The following DST variants were observed in gnomAD, a reference collection of about 807,000 sequenced individuals.
DST encodes the protein bullous pemphigoid antigen.
In DST, 253 loss-of-function variants were observed where a neutral mutation model predicts 875.2. That is an observed-to-expected ratio of 0.29 (90% CI 0.26 to 0.32). The LOEUF is 0.32. Among genes scored for constraint, DST ranks in the 10% least tolerant of loss-of-function variants. The pLI, the probability that DST is intolerant of heterozygous loss-of-function variation, is 1.00. For synonymous variants in DST, 3,124 were observed against 3,197.1 expected (o/e 0.98, Z 0.77); for missense variants, 8,287 against 9,111.6 (o/e 0.91, Z 3.68).
chr6:56,667,222 T>C (rs2099076432), intron 10 of DST, among the ~76,000 whole-genome samples: 1 of 152,212 alleles, frequency 6.6e-6, no homozygotes, highest in Non-Finnish European at 1.5e-5. Flanking sequence ...GACATTACTC[T>C]CTAAATGTGA....
chr6:56,913,364 G>A (rs1425837506), intron 2 of DST, among the ~76,000 whole-genome samples: 10 of 152,166 alleles, frequency 6.6e-5, no homozygotes, highest in Non-Finnish European at 1.5e-4. Context: ...GTAAGTATCT[G>A]CTCGAGGACT....
Position 56,631,391 on chromosome 6 carries a change from T to G in DST, c.3964-2A>C, listed in dbSNP as rs1554528369. 6.2e-7 allele frequency: 1 copy of G among 1,613,374 alleles called. No individual in the cohort carries two copies. Among genetic ancestry groups the G allele is most frequent in the Non-Finnish European group, 8.5e-7 (1 of 1,179,588 alleles). On this transcript the variant is annotated splice_acceptor_variant, in intron 29 of 103. Coordinates refer to ENST00000680361, the MANE Select transcript of DST (RefSeq NM_001374736.1). LOFTEE classifies it high-confidence loss of function. The stretch of plus-strand genomic sequence containing the variant: ...TCGTTCCAGCTCTTTCTTTAGTTTC[T>G]ATAAAACAGAGAACAAACAAAGGTA...
At chr6:56,592,402 A>G in intron 48 of DST, 44 bp from the exon 49 acceptor site, 1 of 1,421,976 alleles carries the variant, frequency 7.0e-7, no homozygotes, top group Non-Finnish European at 9.7e-7. Flanking sequence ...AAAACCCACT[A>G]TTTTCATATG....
intron 4 of DST, among the ~76,000 whole-genome samples, chr6:56,799,845 A>C (rs897577681): frequency 3.9e-5 from 6 of 151,908 alleles, no homozygotes; most frequent in African/African-American, 1.5e-4. Flanking sequence ...GCTGGTCTCG[A>C]ACTTCTGACT....
At position 56,525,204 on chromosome 6, in the gene DST, C is replaced by T. The variant is rs9464392; in HGVS notation, c.18129+1157G>A. On this transcript the variant is annotated intron_variant, in intron 69 of 103. Coordinates refer to ENST00000680361, the MANE Select transcript of DST (RefSeq NM_001374736.1). ...TTGCTGTTTAGAGAAGCCTTCAGTG[C>T]CAGTTGGGAAACGTTCAAATACATT... is the stretch of plus-strand genomic sequence containing the variant. Among the ~76,000 whole-genome samples the T allele has an allele frequency of 3.6e-3, 554 of 152,150 alleles. 5 individuals carry two copies. The highest frequency in any genetic ancestry group is 0.013 in the African/African-American group (534 of 41,498).
intron 3 of DST, among the ~76,000 whole-genome samples, chr6:56,857,050 T>G (rs866440172): frequency 6.6e-6 from 1 of 151,918 alleles, no homozygotes; most frequent in Non-Finnish European, 1.5e-5. Context: ...CTTGCTCCAT[T>G]GCCCAGGCTG....
At chr6:56,775,182 T>A (rs930105395) in intron 4 of DST, among the ~76,000 whole-genome samples, 2 of 152,092 alleles carry the variant, frequency 1.3e-5, no homozygotes, top group Non-Finnish European at 2.9e-5. Context: ...TTACAGTTGA[T>A]CTGGGAGAGG....
intron 48 of DST, 122 bp from the exon 49 acceptor site, chr6:56,592,480 A>AT (rs1471524632): frequency 2.4e-6 from 2 of 831,516 alleles, no homozygotes; most frequent in Non-Finnish European, 3.7e-6. Flanking sequence ...ACCAAAGTTA[A>AT]TAAAAACTCT....
intron 3 of DST, among the ~76,000 whole-genome samples, chr6:56,899,477 T>C (rs193027001): frequency 1.1e-3 from 168 of 152,284 alleles, no homozygotes; most frequent in Middle Eastern, 6.8e-3. Context: ...TCTCCACATG[T>C]GCCTGCCACA....
chr6:56,508,905 T>A (rs1296971101), intron 74 of DST, 150 bp from the exon 75 acceptor site: 1 of 621,630 alleles, frequency 1.6e-6, no homozygotes. Flanking sequence ...CCAGTGGATA[T>A]CAGTGGGTCC....
intron 4 of DST, among the ~76,000 whole-genome samples, chr6:56,812,400 A>G (rs184084119): frequency 6.6e-6 from 1 of 152,314 alleles, no homozygotes; most frequent in Admixed American, 6.5e-5. Flanking sequence ...AAAATTTACT[A>G]ATAAATCTAA....
At chr6:56,887,056 A>G (rs1278552795) in intron 3 of DST, among the ~76,000 whole-genome samples, 1 of 152,232 alleles carries the variant, frequency 6.6e-6, no homozygotes, top group Non-Finnish European at 1.5e-5. Context: ...AAAAGTTCAG[A>G]GAGATAGAAC....
chr6:56,933,831 GC>G (rs935531592), intron 2 of DST, among the ~76,000 whole-genome samples: 2 of 152,062 alleles, frequency 1.3e-5, no homozygotes, highest in African/African-American at 2.4e-5. Flanking sequence ...GCAAAGAAAA[GC>G]CATTAAGCAA....
chr6:56,870,329 C>T (rs182814309), intron 3 of DST, among the ~76,000 whole-genome samples: 8 of 150,028 alleles, frequency 5.3e-5, no homozygotes, highest in Admixed American at 4.0e-4. Context: ...GGACAATGAT[C>T]GGGATATAAA....
At chr6:56,675,210 A>T (rs2099122644) in intron 9 of DST, among the ~76,000 whole-genome samples, 1 of 152,200 alleles carries the variant, frequency 6.6e-6, no homozygotes, top group Non-Finnish European at 1.5e-5. Context: ...CCACATAAAG[A>T]AGAATGATAT....
chr6:56,860,821 T>C (rs541770472), intron 3 of DST, among the ~76,000 whole-genome samples: 4 of 152,344 alleles, frequency 2.6e-5, no homozygotes, highest in East Asian at 3.9e-4. Flanking sequence ...GCTCTCAGGA[T>C]ACAAAGTCCA....
At chr6:56,891,380 A>T (rs1478325145) in intron 3 of DST, among the ~76,000 whole-genome samples, 4 of 152,042 alleles carry the variant, frequency 2.6e-5, no homozygotes, top group Non-Finnish European at 5.9e-5. Context: ...CAACACAGAC[A>T]GACTCCACCT....
At chr6:56,643,165 G>A (rs1385032866) in intron 15 of DST, among the ~76,000 whole-genome samples, 2 of 152,252 alleles carry the variant, frequency 1.3e-5, no homozygotes, top group East Asian at 3.9e-4. Context: ...AGATGTCCAG[G>A]ACAACTAGTA....
chr6:56,650,159 T>A (rs1470667890), intron 12 of DST, among the ~76,000 whole-genome samples: 2 of 151,926 alleles, frequency 1.3e-5, no homozygotes, highest in Non-Finnish European at 2.9e-5. Context: ...CCAGGGGAGC[T>A]AATCAAAGAT....
Sources: gnomAD v4.1 joint callset for allele counts (sites outside exome capture counted in the v4.1 genomes callset) on GRCh38, gnomAD v4.1.1 for gene constraint, MANE v1.5 for transcripts, NCBI Gene and HGNC (gene_info 2026-07-23, HGNC 2026-07-21) for gene names.